PLOD2: variants seen among roughly 807,000 people sequenced by gnomAD.
The protein encoded by PLOD2 is procollagen-lysine,2-oxoglutarate 5-dioxygenase 2.
Under a neutral mutation model 101.0 loss-of-function variants are expected in PLOD2, and 65 were observed. The ratio of observed to expected loss-of-function variants is 0.64; its 90% CI spans 0.53 to 0.79. The LOEUF (loss-of-function observed/expected upper bound fraction) is 0.79, where lower values mean the gene tolerates loss of function less well. Ranked by LOEUF, PLOD2 falls within the 30% of genes least tolerant of loss-of-function variation. PLOD2 has a pLI of 0.00. For missense variants in PLOD2, 909 were observed against 914.6 expected, an observed-to-expected ratio of 0.99 and a Z score of 0.08; for synonymous variants, 314 against 302.9, an observed-to-expected ratio of 1.04 and a Z score of -0.38.
intron 1 of PLOD2, among the ~76,000 whole-genome samples, chr3:146,136,754 C>T (rs1668893662): frequency 6.6e-6 from 1 of 152,154 alleles, no homozygotes. Context: ...ATATTCGGTA[C>T]AGTAACATTC....
chr3:146,103,632 T>A (rs1262619291), intron 6 of PLOD2, among the ~76,000 whole-genome samples: 1 of 152,092 alleles, frequency 6.6e-6, no homozygotes, highest in African/African-American at 2.4e-5. Flanking sequence ...TTTAAGAATC[T>A]TTTTACTAAA....
intron 13 of PLOD2, 46 bp from the exon 14 acceptor site, chr3:146,077,970 C>T (rs975196295): frequency 9.1e-6 from 9 of 992,644 alleles, no homozygotes; most frequent in African/African-American, 1.6e-5. Flanking sequence ...TACACCCGCT[C>T]TCTCAGGTAT....
chr3:146,126,985 TAA>T (rs1040967156), intron 1 of PLOD2, among the ~76,000 whole-genome samples: 88 of 152,296 alleles, frequency 5.8e-4, no homozygotes, highest in African/African-American at 2.1e-3. Flanking sequence ...TTGTTATGTT[TAA>T]AAATCCCTAT....
chr3:146,098,975 T>C (rs1375580), intron 7 of PLOD2, among the ~76,000 whole-genome samples: 27,305 of 152,134 alleles, frequency 0.18, 2,944 homozygotes, highest in South Asian at 0.26. Flanking sequence ...TAACCTAATA[T>C]TATAAAGTAT....
intron 15 of PLOD2, among the ~76,000 whole-genome samples, chr3:146,075,393 C>G (rs1936292203): frequency 6.9e-6 from 1 of 144,600 alleles, no homozygotes; most frequent in Non-Finnish European, 1.5e-5. Context: ...TTGTTGAAGA[C>G]AGCATTTTCC....
In PLOD2 at chr3:146,110,304, T is replaced by C. The variant is rs375599725; in HGVS notation, c.483A>G (p.Lys161=). ...ACTCACCTCCTGAATTCAGATAGCG[T>C]TTCCCAATGTGCACAACAGGATACT... The part of the protein sequence containing the change: ...ADKYPVVHIG[K]RYLNSGGFIG... The change falls in exon 4 of 20, where the codon AAA becomes AAG. Residue 161 remains lysine (K), a synonymous_variant. Coordinates refer to ENST00000282903, the MANE Select transcript of PLOD2 (RefSeq NM_182943.3). 42 of 1,613,820 alleles carry C rather than the reference T, an allele frequency of 2.6e-5. No individual in the cohort carries two copies. The highest frequency in any genetic ancestry group is 3.3e-5 in the Admixed American group (2 of 60,000).
chr3:146,156,838 AG>A (rs2032320158), intron 1 of PLOD2, among the ~76,000 whole-genome samples: 1 of 152,260 alleles, frequency 6.6e-6, no homozygotes, highest in East Asian at 1.9e-4. Context: ...GAAGGGGCAC[AG>A]GCCCCTCTTC....
chr3:146,075,487 TA>T (rs35706246), intron 15 of PLOD2, among the ~76,000 whole-genome samples: 8 of 93,652 alleles, frequency 8.5e-5, no homozygotes, highest in African/African-American at 2.0e-4. Context: ...CTCAAATCTG[TA>T]AAAAAAAAAA....
At chr3:146,072,482 A>T in intron 17 of PLOD2, 79 bp downstream of exon 17, 1 of 902,250 alleles carries the variant, frequency 1.1e-6, no homozygotes, top group Non-Finnish European at 1.9e-6. Context: ...GAGAAAAAGT[A>T]TATAACCCCT....
intron 1 of PLOD2, among the ~76,000 whole-genome samples, chr3:146,131,360 G>A (rs1218454526): frequency 6.6e-6 from 1 of 152,160 alleles, no homozygotes; most frequent in East Asian, 1.9e-4. Flanking sequence ...GAACCCGCAG[G>A]TGGTCTTGGG....
chr3:146,105,981 T>C (rs1028195151), intron 5 of PLOD2, among the ~76,000 whole-genome samples: 2 of 152,252 alleles, frequency 1.3e-5, no homozygotes, highest in Non-Finnish European at 2.9e-5. Context: ...AATACAAGAA[T>C]ACACATTTCT....
intron 11 of PLOD2, among the ~76,000 whole-genome samples, chr3:146,084,303 T>A (rs564378600): frequency 6.6e-6 from 1 of 152,134 alleles, no homozygotes; most frequent in African/African-American, 2.4e-5. Flanking sequence ...TATATACAGG[T>A]TGCTACAGAG....
chr3:146,096,880 T>C (rs76612526), intron 7 of PLOD2, among the ~76,000 whole-genome samples: 31,942 of 61,218 alleles, frequency 0.52, 8,186 homozygotes, highest in East Asian at 0.61. Flanking sequence ...GGGAGGGAGG[T>C]GGGGGGGGGG....
intron 15 of PLOD2, among the ~76,000 whole-genome samples, chr3:146,075,350 G>A (rs1347507277): frequency 6.6e-6 from 1 of 151,276 alleles, no homozygotes; most frequent in Admixed American, 6.6e-5. Context: ...TATTGGCAAG[G>A]GGAAAATCAT....
rs3828381 is a variant in PLOD2, at chr3:146,081,568, G to A, written c.1358+170C>T. Reference sequence around the variant, plus strand: ...TGGGACTTTAAAAACATTTTTTTAAGATATTAGTTTTATACTAGTATTTCA... The same window carrying A: ...TGGGACTTTAAAAACATTTTTTTAAAATATTAGTTTTATACTAGTATTTCA... On this transcript the variant is annotated intron_variant, in intron 12 of 19. Transcript: ENST00000282903. 0.52 allele frequency among the ~76,000 whole-genome samples: 78,504 copies of A among 151,870 alleles called. 20,405 individuals are homozygous for A. Among genetic ancestry groups the A allele is most frequent in the East Asian group, 0.56 (2,919 of 5,168 alleles).
chr3:146,072,526 T>C, intron 17 of PLOD2, 35 bp downstream of exon 17: 1 of 1,272,274 alleles, frequency 7.9e-7, no homozygotes, highest in Non-Finnish European at 1.2e-6. Flanking sequence ...AACCCCCACA[T>C]ACATTTTAGT....
intron 2 of PLOD2, among the ~76,000 whole-genome samples, chr3:146,121,907 T>C (rs1005290205): frequency 1.3e-5 from 2 of 152,220 alleles, no homozygotes; most frequent in Admixed American, 1.3e-4. Context: ...AAATGCATGA[T>C]GACACACTGA....
chr3:146,150,749 C>A (rs897453306), intron 1 of PLOD2, among the ~76,000 whole-genome samples: 3 of 152,068 alleles, frequency 2.0e-5, no homozygotes, highest in South Asian at 4.1e-4. Flanking sequence ...AAAAAAGTTA[C>A]CAGCATAATT....
At chr3:146,079,338 G>A (rs1052530107) in intron 12 of PLOD2, 81 bp from the exon 13 acceptor site, 2 of 1,046,914 alleles carry the variant, frequency 1.9e-6, no homozygotes, top group African/African-American at 3.2e-5. Context: ...TAAAATAAAT[G>A]CTTTGTGTTT....
Sources: allele counts gnomAD v4.1 joint callset (sites outside exome capture counted in the v4.1 genomes callset), GRCh38; gene constraint gnomAD v4.1.1; transcripts MANE v1.5; gene names NCBI Gene and HGNC (gene_info 2026-07-23, HGNC 2026-07-21).